The following TTC34 variants were observed in gnomAD, a reference collection of about 807,000 sequenced individuals.
The protein encoded by TTC34 is tetratricopeptide repeat protein 34.
Under a neutral mutation model 40.7 loss-of-function variants are expected in TTC34, and 44 were observed. The observed-to-expected ratio is 1.08, with a 90% CI of 0.85 to 1.39. The LOEUF is 1.39. Ranked by LOEUF, TTC34 falls within the 40% of genes most tolerant of loss-of-function variation. The probability of loss-of-function intolerance (pLI) is 0.00; values close to 1 mark genes in which losing one functional copy is unlikely to be tolerated. For synonymous variants in TTC34, 422 were observed against 398.6 expected (o/e 1.06, Z -0.70); for missense variants, 884 against 838.0 (o/e 1.05, Z -0.68).
intron 6 of TTC34, among the ~76,000 whole-genome samples, chr1:2,699,536 C>A (rs187708054): frequency 4.8e-5 from 7 of 145,602 alleles, no homozygotes; most frequent in African/African-American, 1.7e-4. Context: ...ACCCACATCC[C>A]CAGGTGAGCA....
chr1:2,651,402 G>A (rs1639129895), intron 6 of TTC34, among the ~76,000 whole-genome samples: 1 of 151,850 alleles, frequency 6.6e-6, no homozygotes, highest in Admixed American at 6.6e-5. Flanking sequence ...CCAGCCCCAG[G>A]TGAACTTGTG....
At chr1:2,648,869 A>C (rs1179793687) in intron 6 of TTC34, among the ~76,000 whole-genome samples, 1 of 149,028 alleles carries the variant, frequency 6.7e-6, no homozygotes, top group Admixed American at 6.7e-5. Context: ...AATCCAAAAC[A>C]GAACCCTACA....
At chr1:2,759,423 G>C (rs1172928013) in intron 6 of TTC34, among the ~76,000 whole-genome samples, 2 of 102,452 alleles carry the variant, frequency 2.0e-5, no homozygotes, top group East Asian at 3.5e-4. Flanking sequence ...TGACAGCCTG[G>C]ATCAGCACCC....
rs1296968389 is a variant in TTC34, at chr1:2,694,631, C to A, written c.2227-49068G>T. ...TGAAACCACGGAGCAGCACCCACACCTCCCGGCGAGCATCTGACGGCCTGG... is the reference window on the plus strand; with the variant it reads ...TGAAACCACGGAGCAGCACCCACACATCCCGGCGAGCATCTGACGGCCTGG... On this transcript the variant is annotated intron_variant, in intron 6 of 8. Coordinates refer to ENST00000401095, the Ensembl canonical transcript of TTC34. Among the ~76,000 whole-genome samples the A allele has an allele frequency of 6.2e-5, 5 of 80,822 alleles. 1 individual carries two copies. In the South Asian group the frequency reaches 1.4e-3, roughly 23 times the overall value. The allele number at this position is 80,822 out of a possible 152,430, so 53.0% of individuals were successfully genotyped here.
intron 6 of TTC34, among the ~76,000 whole-genome samples, chr1:2,695,011 C>A (rs796981688): frequency 1.3e-5 from 2 of 150,910 alleles, no homozygotes; most frequent in African/African-American, 4.9e-5. Context: ...GAGGATCTGA[C>A]AGCCTGGAAC....
intron 6 of TTC34, among the ~76,000 whole-genome samples, chr1:2,748,396 A>C (rs1641215834): frequency 6.7e-6 from 1 of 149,274 alleles, no homozygotes; most frequent in Non-Finnish European, 1.5e-5. Flanking sequence ...AGCAACACTG[A>C]CAACCCCAGG....
chr1:2,789,903 G>A (rs1295507218), exon 3 of TTC34: 1 of 399,112 alleles, frequency 2.5e-6, no homozygotes, highest in African/African-American at 2.1e-5. Context: ...TCCCCTGCAC[G>A]GTCCCCCGCA....
intron 6 of TTC34, among the ~76,000 whole-genome samples, chr1:2,651,966 C>A (rs1639148035): frequency 6.6e-6 from 1 of 152,084 alleles, no homozygotes; most frequent in South Asian, 2.1e-4. Flanking sequence ...CCTTCCACCT[C>A]TAAGTGAGCA....
rs1345316136 is a variant in TTC34 at position 2,765,724 on chromosome 1, G to A, written c.2226+17885C>T. 3.0e-3 allele frequency among the ~76,000 whole-genome samples: 149 copies of A among 50,120 alleles called. 18 individuals carry two copies. Among genetic ancestry groups the A allele is most frequent in the Non-Finnish European group, 4.1e-3 (129 of 31,148 alleles). 32.9% of individuals were successfully genotyped at this position (50,120 alleles called of 152,430 possible). A position where few individuals can be genotyped will look rare whatever the true frequency, so the allele number is the denominator to read the frequency against. On this transcript the variant is annotated intron_variant, in intron 6 of 8. Coordinates refer to ENST00000401095, the Ensembl canonical transcript of TTC34. ...TGGAGCAGCATGCACACCCCCAGGC[G>A]AGCATCTGACAGCCTGGAGCAGCGC...
intron 6 of TTC34, among the ~76,000 whole-genome samples, chr1:2,657,450 A>C (rs1481620011): frequency 1.1e-5 from 1 of 88,842 alleles, no homozygotes; most frequent in Non-Finnish European, 2.8e-5. Context: ...CTCATGGAGC[A>C]GCACCCACGC....
rs1308572803 is a variant in TTC34, at chr1:2,645,669, C to T, written c.2227-106G>A. On this transcript the variant is annotated intron_variant, in intron 6 of 8. Coordinates refer to ENST00000401095, the Ensembl canonical transcript of TTC34. This position sits in a 1 kb window ranked among gnomAD's most constrained non-coding sequence, Gnocchi z 4.7. The stretch of plus-strand genomic sequence containing the variant: ...TCTGTCTTTCTCATTCCCTGATCTT[C>T]TCCCTGGGGTCCTAGAGGGTCTGAA... 6 of 1,239,098 alleles carry T rather than the reference C, an allele frequency of 4.8e-6. No homozygotes were observed. In the Admixed American group the frequency reaches 9.8e-5, roughly 20 times the overall value. The allele number at this position is 1,239,098 out of a possible 1,614,324, so 76.8% of individuals were successfully genotyped here.
chr1:2,675,064 A>T (rs1378423396), intron 6 of TTC34, among the ~76,000 whole-genome samples: 127 of 79,950 alleles, frequency 1.6e-3, no homozygotes, highest in Non-Finnish European at 2.5e-3. Flanking sequence ...TCGGAGAGTC[A>T]GGAGCAGTGC....
rs1039951183 is a variant in TTC34 at position 2,796,420 on chromosome 1, C to T, written c.784+3624G>A. On this transcript the variant is annotated intron_variant, in intron 2 of 8. Transcript: ENST00000401095. This position sits in a 1 kb window ranked among gnomAD's most constrained non-coding sequence, Gnocchi z 4.5. ...CTGGCGATGTGGGGAGTCCCTTGAC[C>T]GAAGTGACTTGGGTCTAATGGATGC... Among the ~76,000 whole-genome samples, 22 of 152,238 alleles carry T rather than the reference C, an allele frequency of 1.4e-4. No homozygotes were observed. The highest frequency in any genetic ancestry group is 2.2e-4 in the African/African-American group (9 of 41,532).
intron 6 of TTC34, among the ~76,000 whole-genome samples, chr1:2,781,206 TG>T (rs1024660836): frequency 1.3e-5 from 2 of 152,170 alleles, no homozygotes; most frequent in African/African-American, 4.8e-5. Context: ...ATCTAGGGGT[TG>T]GGGGTTCCAC....
chr1:2,650,784 C>T (rs1440278251), intron 6 of TTC34, among the ~76,000 whole-genome samples: 1 of 150,638 alleles, frequency 6.6e-6, no homozygotes, highest in Non-Finnish European at 1.5e-5. Context: ...CAGCTCTCCC[C>T]CATGCAAGGT....
intron 6 of TTC34, among the ~76,000 whole-genome samples, chr1:2,688,079 A>T (rs1174206534): frequency 1.4e-5 from 2 of 147,294 alleles, no homozygotes; most frequent in African/African-American, 5.3e-5. Context: ...CTGGAACAGC[A>T]CCCTGCACCC....
At chr1:2,751,846 G>GCA (rs2100432901) in intron 6 of TTC34, among the ~76,000 whole-genome samples, 1 of 47,550 alleles carries the variant, frequency 2.1e-5, no homozygotes, top group Admixed American at 2.7e-4. Flanking sequence ...ACAGCACCCT[G>GCA]CACCCCCAAG....
chr1:2,755,739 C>G lies in TTC34; in HGVS notation c.2226+27870G>C, dbSNP rs1641482278. 4.8e-5 allele frequency among the ~76,000 whole-genome samples: 3 copies of G among 62,198 alleles called. No individual in the cohort carries two copies. In the East Asian group the frequency reaches 1.7e-3, roughly 36 times the overall value. 40.8% of individuals were successfully genotyped at this position (62,198 alleles called of 152,430 possible). On this transcript the variant is annotated intron_variant, in intron 6 of 8. Transcript: ENST00000401095. ...GCATCCGACAGCCTGGAGCAGCACC[C>G]ACACACCCAGGCGAGCATCTGACAG...
At chr1:2,801,287 G>A (rs1389105156) in intron 1 of TTC34, among the ~76,000 whole-genome samples, 2 of 151,908 alleles carry the variant, frequency 1.3e-5, no homozygotes, top group Non-Finnish European at 2.9e-5. Context: ...AGTCCAGGCA[G>A]CCCTCTCAGT....
Sources: allele counts gnomAD v4.1 joint callset (sites outside exome capture counted in the v4.1 genomes callset), GRCh38; gene constraint gnomAD v4.1.1; non-coding constraint Gnocchi (gnomAD v3.1); transcripts MANE v1.5; gene names NCBI Gene and HGNC (gene_info 2026-07-23, HGNC 2026-07-21).